The following NEXMIF variants were observed in gnomAD, a reference collection of about 807,000 sequenced individuals.
The protein encoded by NEXMIF is neurite extension and migration factor.
In NEXMIF, 8 loss-of-function variants were observed where a neutral mutation model predicts 62.1. The observed-to-expected ratio is 0.13, with a 90% CI of 0.08 to 0.23. The LOEUF is 0.23. Ranked by LOEUF, NEXMIF falls within the 10% of genes least tolerant of loss-of-function variation. The pLI is 1.00. For synonymous variants in NEXMIF, 404 were observed against 416.6 expected (o/e 0.97, Z 0.37); for missense variants, 976 against 1,113.3 (o/e 0.88, Z 1.75).
At chrX:74,810,057 G>C (rs778948567) in intron 1 of NEXMIF, among the ~76,000 whole-genome samples, 100 of 111,528 alleles carry the variant, frequency 9.0e-4, no homozygotes, top group African/African-American at 3.1e-3. Context: ...CTTGAAAAAA[G>C]GAAACTTCCA....
At chrX:74,861,228 TAGA>T (rs2080556381) in intron 1 of NEXMIF, among the ~76,000 whole-genome samples, 2 of 111,006 alleles carry the variant, frequency 1.8e-5, no homozygotes, top group African/African-American at 3.3e-5. Flanking sequence ...ATAGACCAAG[TAGA>T]AGAAAGAATT....
At chrX:74,899,275 A>T (rs746081427) in intron 1 of NEXMIF, among the ~76,000 whole-genome samples, 1 of 111,879 alleles carries the variant, frequency 8.9e-6, no homozygotes, top group African/African-American at 3.2e-5. Flanking sequence ...GGAAAGAAAG[A>T]AGTTAAATTG....
intron 1 of NEXMIF, among the ~76,000 whole-genome samples, chrX:74,835,869 C>T (rs1165947000): frequency 8.9e-6 from 1 of 112,029 alleles, no homozygotes; most frequent in Non-Finnish European, 1.9e-5. Flanking sequence ...TTCCTCCATG[C>T]CACAAGCTGG....
intron 1 of NEXMIF, among the ~76,000 whole-genome samples, chrX:74,880,521 T>C (rs191883065): frequency 5.6e-4 from 62 of 111,550 alleles, no homozygotes; most frequent in Non-Finnish European, 9.4e-4. Flanking sequence ...GCACCATAAG[T>C]AGAGGCTTTA....
intron 1 of NEXMIF, among the ~76,000 whole-genome samples, chrX:74,761,787 C>T (rs759710237): frequency 6.3e-5 from 7 of 110,802 alleles, no homozygotes; most frequent in Non-Finnish European, 1.1e-4. Context: ...TTTGCTCTTG[C>T]TTCTATAGTT....
intron 1 of NEXMIF, among the ~76,000 whole-genome samples, chrX:74,811,802 C>T (rs1162078813): frequency 2.7e-5 from 3 of 112,801 alleles, no homozygotes; most frequent in Non-Finnish European, 5.6e-5. Flanking sequence ...CCCTACAGCA[C>T]AGTAACAAGA....
chrX:74,793,621 C>T (rs1285636148), intron 1 of NEXMIF, among the ~76,000 whole-genome samples: 7 of 109,652 alleles, frequency 6.4e-5, no homozygotes, highest in African/African-American at 1.3e-4. Context: ...ACCAATCAGA[C>T]GTAGATTTGG....
chrX:74,873,626 A>G (rs1602259066), intron 1 of NEXMIF, among the ~76,000 whole-genome samples: 1 of 111,351 alleles, frequency 9.0e-6, no homozygotes, highest in Non-Finnish European at 1.9e-5. Context: ...AAGTGTTCCT[A>G]TTTCTCCACA....
At chrX:74,765,148 C>T (rs1040445278) in intron 1 of NEXMIF, among the ~76,000 whole-genome samples, 18 of 111,575 alleles carry the variant, frequency 1.6e-4, no homozygotes, top group African/African-American at 5.5e-4. Context: ...TAGGACTTCT[C>T]GTTCAATTAA....
At chrX:74,897,575 G>A (rs913549549) in intron 1 of NEXMIF, among the ~76,000 whole-genome samples, 2 of 111,254 alleles carry the variant, frequency 1.8e-5, no homozygotes, top group Non-Finnish European at 3.8e-5. Flanking sequence ...TCAGGTAACT[G>A]ACAAAATGGA....
At chrX:74,890,356 G>C (rs962450165) in intron 1 of NEXMIF, among the ~76,000 whole-genome samples, 1 of 110,918 alleles carries the variant, frequency 9.0e-6, no homozygotes, top group African/African-American at 3.3e-5. Flanking sequence ...TGAACTAGAA[G>C]AGAATGAGGG....
At chrX:74,748,871 C>A (rs1197547736) in intron 1 of NEXMIF, among the ~76,000 whole-genome samples, 2 of 111,592 alleles carry the variant, frequency 1.8e-5, no homozygotes, top group African/African-American at 6.5e-5. Flanking sequence ...AAAATCAAGG[C>A]AAGAAAGTAA....
chrX:74,880,303 G>A (rs2080657721), intron 1 of NEXMIF, among the ~76,000 whole-genome samples: 1 of 111,507 alleles, frequency 9.0e-6, no homozygotes, highest in Admixed American at 9.6e-5. Flanking sequence ...CAGACAGACT[G>A]AACCACCCTC....
At chrX:74,836,879 A>T (rs540030868) in intron 1 of NEXMIF, among the ~76,000 whole-genome samples, 2 of 110,973 alleles carry the variant, frequency 1.8e-5, no homozygotes, top group African/African-American at 6.6e-5. Flanking sequence ...AATTGCAGTC[A>T]CTGTGTCCTA....
At chrX:74,866,859 T>C (rs770613217) in intron 1 of NEXMIF, among the ~76,000 whole-genome samples, 2 of 112,279 alleles carry the variant, frequency 1.8e-5, no homozygotes, top group South Asian at 7.4e-4. Context: ...AACTATTGAG[T>C]CCACTAAACC....
chrX:74,886,764 A>G (rs1457930364), intron 1 of NEXMIF, among the ~76,000 whole-genome samples: 2 of 109,356 alleles, frequency 1.8e-5, no homozygotes, highest in African/African-American at 3.5e-5. Flanking sequence ...CCATCAAGCT[A>G]CCAATGACTT....
At chrX:74,880,724 T>C (rs950839791) in intron 1 of NEXMIF, among the ~76,000 whole-genome samples, 3 of 112,035 alleles carry the variant, frequency 2.7e-5, no homozygotes, top group Non-Finnish European at 5.6e-5. Flanking sequence ...TTATTTATCA[T>C]ACAAAATGAA....
chrX:74,878,476 A>G (rs1400818061), intron 1 of NEXMIF, among the ~76,000 whole-genome samples: 2 of 112,759 alleles, frequency 1.8e-5, no homozygotes, highest in Non-Finnish European at 3.8e-5. Context: ...GGTGGAGCCT[A>G]CAGAGGCAGG....
chrX:74,813,790 T>C (rs2080367757), intron 1 of NEXMIF, among the ~76,000 whole-genome samples: 1 of 112,154 alleles, frequency 8.9e-6, no homozygotes, highest in Non-Finnish European at 1.9e-5. Flanking sequence ...TCATGTAGTA[T>C]ATATTAAGGA....
Sources: allele counts gnomAD v4.1 joint callset (sites outside exome capture counted in the v4.1 genomes callset), GRCh38; gene constraint gnomAD v4.1.1; transcripts MANE v1.5; gene names NCBI Gene and HGNC (gene_info 2026-07-23, HGNC 2026-07-21).